The following PTPRJ variants were observed in gnomAD, a reference collection of about 807,000 sequenced individuals.
PTPRJ encodes protein tyrosine phosphatase receptor type J.
Under a neutral mutation model 141.3 loss-of-function variants are expected in PTPRJ, and 129 were observed. The observed-to-expected ratio is 0.91, with a 90% CI of 0.79 to 1.06. The LOEUF (loss-of-function observed/expected upper bound fraction) is 1.06, where lower values mean the gene tolerates loss of function less well. PTPRJ is among the 50% of genes least tolerant of loss of function. PTPRJ has a pLI of 0.00. For synonymous variants in PTPRJ, 610 were observed against 640.5 expected, an observed-to-expected ratio of 0.95 and a Z score of 0.72; for missense variants, 1,601 against 1,679.7, an observed-to-expected ratio of 0.95 and a Z score of 0.82.
intron 1 of PTPRJ, among the ~76,000 whole-genome samples, chr11:48,026,313 G>C (rs551223043): frequency 1.4e-4 from 22 of 152,142 alleles, no homozygotes; most frequent in Non-Finnish European, 2.8e-4. Context: ...GCCTGGGAAA[G>C]GGGCAGTTGG....
chr11:48,005,047 C>A (rs963546013), intron 1 of PTPRJ, among the ~76,000 whole-genome samples: 1 of 151,770 alleles, frequency 6.6e-6, no homozygotes, highest in Non-Finnish European at 1.5e-5. Flanking sequence ...CATGATGAAA[C>A]CCCGTCTCTA....
At chr11:48,132,939 A>G (rs1043408968) in intron 8 of PTPRJ, among the ~76,000 whole-genome samples, 6 of 152,208 alleles carry the variant, frequency 3.9e-5, no homozygotes, top group Admixed American at 1.3e-4. Flanking sequence ...CTTAACGTCA[A>G]CATGTTTCTT....
At chr11:48,159,724 G>A (rs1161600691) in intron 21 of PTPRJ, among the ~76,000 whole-genome samples, 1 of 152,122 alleles carries the variant, frequency 6.6e-6, no homozygotes, top group Non-Finnish European at 1.5e-5. Context: ...TTTGTGAATA[G>A]CCACCACACT....
In PTPRJ at chr11:48,158,256, A is replaced by G. The variant is rs1215760249; in HGVS notation, c.3439-1674A>G. 2.6e-5 allele frequency among the ~76,000 whole-genome samples: 4 copies of G among 152,244 alleles called. No individual in the cohort carries two copies. The highest frequency in any genetic ancestry group is 7.2e-5 in the African/African-American group (3 of 41,460). On this transcript the variant is annotated intron_variant, in intron 21 of 24. Transcript: ENST00000418331. This position sits in a 1 kb window ranked among gnomAD's most constrained non-coding sequence, Gnocchi z 4.4. ...TTCTTATAAATCTATCTGTTAGACA[A>G]ACAAAAATGACATAATTACATTAAT...
At position 48,168,799 on chromosome 11, in the gene PTPRJ, C is replaced by A. The variant is rs1454628908; in HGVS notation, c.*1437C>A. The A allele has an allele frequency of 6.7e-6, 1 of 148,482 alleles. No homozygotes were observed. The highest frequency in any genetic ancestry group is 1.5e-5 in the Non-Finnish European group (1 of 67,430). 9.2% of individuals were successfully genotyped at this position (148,482 alleles called of 1,614,324 possible). On this transcript the variant is annotated 3_prime_UTR_variant, in exon 25 of 25. Coordinates refer to ENST00000418331, the MANE Select transcript of PTPRJ (RefSeq NM_002843.4). ...TGGATTTATTTTATTGGTACATAAT[C>A]TGTAAACTTCTTAAGGCATTAACAT... is the stretch of plus-strand genomic sequence containing the variant.
Position 48,137,143 on chromosome 11 carries a change from C to T in PTPRJ, c.2014C>T (p.Gln672Ter). Residue 672 changes from glutamine to a stop codon, truncating the protein, a stop_gained, in exon 10 of 25, where the codon CAA becomes TAA. Coordinates refer to ENST00000418331, the MANE Select transcript of PTPRJ (RefSeq NM_002843.4). LOFTEE classifies it high-confidence loss of function. ...GGCTGGAAATTCCAGCAACGCAACA[C>T]AAGTAGTCACGGACATTGGAATTAC... is the stretch of plus-strand genomic sequence containing the variant. ...EKAGNSSNAT[Q>*]VVTDIGITDA... is the part of the protein sequence containing the mutation. 1 of 1,612,932 alleles carries T rather than the reference C, an allele frequency of 6.2e-7. No individual in the cohort carries two copies. The highest frequency in any genetic ancestry group is 1.3e-5 in the African/African-American group (1 of 75,006).
rs538903211 is a variant in PTPRJ, at chr11:47,991,734, T to C, written c.96+10726T>C. ...CACGGGCTTTGGAGTCAGAGCCAACTTCTCCACCTCCTACCTGTGTGACCT... is the reference window on the plus strand; with the variant it reads ...CACGGGCTTTGGAGTCAGAGCCAACCTCTCCACCTCCTACCTGTGTGACCT... On this transcript the variant is annotated intron_variant, in intron 1 of 24. Coordinates refer to ENST00000418331, the MANE Select transcript of PTPRJ (RefSeq NM_002843.4). Among the ~76,000 whole-genome samples, 4 of 152,288 alleles carry C rather than the reference T, an allele frequency of 2.6e-5. No individual in the cohort carries two copies. In the South Asian group the frequency reaches 8.3e-4, roughly 32 times the overall value.
intron 18 of PTPRJ, among the ~76,000 whole-genome samples, chr11:48,152,273 C>T (rs763588374): frequency 4.1e-4 from 63 of 152,094 alleles, no homozygotes; most frequent in African/African-American, 7.2e-4. Context: ...TCATATCCTT[C>T]GCCCACTTTT....
At chr11:48,007,917 G>T (rs1854669149) in intron 1 of PTPRJ, among the ~76,000 whole-genome samples, 1 of 152,212 alleles carries the variant, frequency 6.6e-6, no homozygotes, top group South Asian at 2.1e-4. Context: ...ACTTGCCCAA[G>T]ACCACACAGC....
intron 18 of PTPRJ, among the ~76,000 whole-genome samples, chr11:48,151,694 G>A (rs898519454): frequency 4.0e-5 from 6 of 149,858 alleles, no homozygotes; most frequent in Admixed American, 1.3e-4. Context: ...AAGAACATGC[G>A]GTGTTTGGTT....
chr11:47,996,406 C>T (rs1431070792), intron 1 of PTPRJ, among the ~76,000 whole-genome samples: 2 of 151,640 alleles, frequency 1.3e-5, no homozygotes, highest in East Asian at 3.9e-4. Context: ...AAGCATGTGT[C>T]CAGTTCCATG....
At chr11:48,097,447 T>C (rs1160976114) in intron 1 of PTPRJ, among the ~76,000 whole-genome samples, 4 of 152,178 alleles carry the variant, frequency 2.6e-5, no homozygotes, top group African/African-American at 9.7e-5. Flanking sequence ...ATAGTGTGTA[T>C]GTTGAAAAGT....
chr11:48,130,481 C>G lies in PTPRJ; in HGVS notation c.1380C>G (p.Phe460Leu), dbSNP rs1410817932. Residue 460 changes from phenylalanine (F) to leucine (L), a missense_variant, in exon 8 of 25, where the codon TTC becomes TTG. Physicochemically the swap from Phe to Leu is conservative, Grantham distance 22. Coordinates refer to ENST00000418331, the MANE Select transcript of PTPRJ (RefSeq NM_002843.4). ...VHTPPVPVSD[F>L]RVTVVSTTEI... is the part of the protein sequence containing the mutation. ...TAGCCCCTGTTCCAGTTTCTGACTT[C>G]CGAGTGACAGTGGTCAGCACGACGG... The G allele has an allele frequency of 1.2e-6, 2 of 1,611,664 alleles. No individual in the cohort carries two copies. Among genetic ancestry groups the G allele is most frequent in the Non-Finnish European group, 1.7e-6 (2 of 1,178,598 alleles).
At chr11:48,109,863 G>A (rs1856394040) in intron 1 of PTPRJ, among the ~76,000 whole-genome samples, 195 bp from the exon 2 acceptor site, 1 of 152,114 alleles carries the variant, frequency 6.6e-6, no homozygotes, top group Non-Finnish European at 1.5e-5. Flanking sequence ...TTAATCCTTT[G>A]TAATTGACCC....
intron 12 of PTPRJ, among the ~76,000 whole-genome samples, chr11:48,144,464 A>G (rs974471215): frequency 2.0e-5 from 3 of 152,178 alleles, no homozygotes; most frequent in Non-Finnish European, 4.4e-5. Flanking sequence ...AATGGAGACA[A>G]TAAGCTTATG....
intron 1 of PTPRJ, among the ~76,000 whole-genome samples, chr11:48,023,037 G>A: frequency 6.6e-6 from 1 of 152,100 alleles, no homozygotes; most frequent in Non-Finnish European, 1.5e-5. Flanking sequence ...TTGTCCAAAT[G>A]GTATGGGCTG....
chr11:48,145,073 T>G lies in PTPRJ; in HGVS notation c.2860T>G (p.Tyr954Asp). 6.2e-7 allele frequency: 1 copy of G among 1,614,214 alleles called. No homozygotes were observed. The highest frequency in any genetic ancestry group is 8.5e-7 in the Non-Finnish European group (1 of 1,180,026). ...GGGGCTCATTGATGGGGCTGAGAGC[T>G]ATGTGTCCTTCAGTCGCTACTCAGA... Reference protein sequence around the residue: ...NKGLIDGAESYVSFSRYSDAV... With the variant: ...NKGLIDGAESDVSFSRYSDAV... The change falls in exon 14 of 25, where the codon TAT (tyrosine) becomes GAT (aspartate). Residue 954 changes from tyrosine to aspartate, a missense_variant. By Grantham distance (160) the Tyr-to-Asp change is radical. Transcript: ENST00000418331.
chr11:48,132,018 A>T (rs959560061), intron 8 of PTPRJ: 12 of 422,260 alleles, frequency 2.8e-5, no homozygotes, highest in African/African-American at 2.6e-4. Flanking sequence ...GATATAGTAA[A>T]TATTAATAAA....
chr11:48,132,093 T>C (rs2134353966), intron 8 of PTPRJ: 1 of 980,198 alleles, frequency 1.0e-6, no homozygotes, highest in East Asian at 1.1e-4. Context: ...AAAGAAGTCC[T>C]GAGAGCAAAA....
Sources: allele counts gnomAD v4.1 joint callset (sites outside exome capture counted in the v4.1 genomes callset), GRCh38; gene constraint gnomAD v4.1.1; non-coding constraint Gnocchi (gnomAD v3.1); transcripts MANE v1.5; gene names NCBI Gene and HGNC (gene_info 2026-07-23, HGNC 2026-07-21).